MDFIC2: variants seen among roughly 807,000 people sequenced by gnomAD.
MDFIC2 encodes the protein myoD family inhibitor domain-containing protein 2.
chr3:70,306,193 T>C (rs1012404904), intron 2 of MDFIC2, among the ~76,000 whole-genome samples: 1 of 152,132 alleles, frequency 6.6e-6, no homozygotes, highest in African/African-American at 2.4e-5. Context: ...AACCTCCGCC[T>C]CCTAGTTTCA....
chr3:70,220,029 A>G (rs2106736039), intron 2 of MDFIC2, among the ~76,000 whole-genome samples: 1 of 152,290 alleles, frequency 6.6e-6, no homozygotes, highest in Non-Finnish European at 1.5e-5. Flanking sequence ...GAATTACAAA[A>G]ATAAAGAAAA....
chr3:70,284,539 C>A (rs1008135492), intron 2 of MDFIC2, among the ~76,000 whole-genome samples: 1 of 152,076 alleles, frequency 6.6e-6, no homozygotes, highest in African/African-American at 2.4e-5. Flanking sequence ...AAATGTGGTA[C>A]ATATACACCA....
At chr3:70,291,697 A>G (rs1229931057) in intron 2 of MDFIC2, 1 of 152,252 alleles carries the variant, frequency 6.6e-6, no homozygotes, top group South Asian at 2.1e-4. Context: ...ATCCTCTTCA[A>G]CACAAAACTC....
chr3:70,291,709 T>C (rs1702241303), intron 2 of MDFIC2: 1 of 152,236 alleles, frequency 6.6e-6, no homozygotes, highest in East Asian at 1.9e-4. Context: ...ACAAAACTCC[T>C]GTGAGTCACT....
chr3:70,307,505 C>T (rs1030351566), intron 2 of MDFIC2, among the ~76,000 whole-genome samples: 5 of 150,890 alleles, frequency 3.3e-5, no homozygotes, highest in African/African-American at 1.2e-4. Flanking sequence ...CCTGTAATTT[C>T]CCCCCCCAAT....
At chr3:70,256,561 A>G (rs1417406406) in intron 2 of MDFIC2, among the ~76,000 whole-genome samples, 1 of 152,226 alleles carries the variant, frequency 6.6e-6, no homozygotes, top group Admixed American at 6.5e-5. Flanking sequence ...TTAATACAAT[A>G]TTGGAAAACC....
intron 2 of MDFIC2, among the ~76,000 whole-genome samples, chr3:70,260,988 G>A (rs1701860472): frequency 6.6e-6 from 1 of 152,042 alleles, no homozygotes; most frequent in South Asian, 2.1e-4. Flanking sequence ...GAACTTGTGG[G>A]CCCCAGGTCT....
chr3:70,286,126 C>A (rs1253083801), intron 2 of MDFIC2, among the ~76,000 whole-genome samples: 3 of 152,130 alleles, frequency 2.0e-5, no homozygotes, highest in African/African-American at 7.2e-5. Flanking sequence ...GACATGAAGT[C>A]CTTGCCCATG....
chr3:70,262,268 A>G (rs1439897248), intron 2 of MDFIC2, among the ~76,000 whole-genome samples: 2 of 152,214 alleles, frequency 1.3e-5, no homozygotes, highest in East Asian at 3.8e-4. Flanking sequence ...ACAGGCAGTG[A>G]AGCTTCAAAC....
intron 2 of MDFIC2, among the ~76,000 whole-genome samples, chr3:70,275,053 CA>C (rs1385681307): frequency 1.3e-5 from 2 of 152,192 alleles, no homozygotes; most frequent in African/African-American, 4.8e-5. Context: ...ACTACCTCTT[CA>C]GGTGATATAA....
intron 2 of MDFIC2, among the ~76,000 whole-genome samples, chr3:70,256,400 A>G (rs1389835216): frequency 2.6e-5 from 4 of 152,232 alleles, no homozygotes; most frequent in Non-Finnish European, 4.4e-5. Flanking sequence ...TTAAAATGCC[A>G]TGCTGACTGT....
intron 2 of MDFIC2, among the ~76,000 whole-genome samples, chr3:70,284,246 G>T (rs1003433769): frequency 6.6e-6 from 1 of 152,046 alleles, no homozygotes; most frequent in Non-Finnish European, 1.5e-5. Flanking sequence ...TTAGGACAAG[G>T]CCAAGATAAG....
At chr3:70,291,490 C>G (rs1353447170) in intron 2 of MDFIC2, among the ~76,000 whole-genome samples, 5 of 152,206 alleles carry the variant, frequency 3.3e-5, no homozygotes, top group African/African-American at 9.6e-5. Context: ...TCTTCTACTT[C>G]TCACATTGTA....
Position 70,303,581 on chromosome 3 carries a change from G to T in MDFIC2, c.88+8305C>A, listed in dbSNP as rs566021745. On this transcript the variant is annotated intron_variant, in intron 2 of 3. Transcript: ENST00000567252. Reference sequence around the variant, plus strand: ...ATAAATTACCTTTTTCATTAATGTAGCCAGAATCAGTATATGTTATTTTCC... The same window carrying T: ...ATAAATTACCTTTTTCATTAATGTATCCAGAATCAGTATATGTTATTTTCC... 1.6e-4 allele frequency among the ~76,000 whole-genome samples: 24 copies of T among 152,208 alleles called. No homozygotes were observed. In the South Asian group the frequency reaches 4.6e-3, roughly 29 times the overall value.
chr3:70,201,279 T>A (rs1430548623), intron 3 of MDFIC2, among the ~76,000 whole-genome samples: 4 of 152,144 alleles, frequency 2.6e-5, no homozygotes, highest in Non-Finnish European at 1.5e-5. Context: ...CTCCCACTTA[T>A]GGGTGAGAAC....
chr3:70,212,110 C>T (rs1301020655), intron 2 of MDFIC2, among the ~76,000 whole-genome samples: 1 of 152,060 alleles, frequency 6.6e-6, no homozygotes, highest in African/African-American at 2.4e-5. Context: ...TGAAGTTGGC[C>T]ACTAAATCTT....
Position 70,301,205 on chromosome 3 carries a change from C to T in MDFIC2, c.88+10681G>A, listed in dbSNP as rs559061682. 2.6e-5 allele frequency among the ~76,000 whole-genome samples: 4 copies of T among 152,154 alleles called. No individual in the cohort carries two copies. The South Asian group carries it at 8.3e-4, about 32-fold the overall frequency. On this transcript the variant is annotated intron_variant, in intron 2 of 3. Transcript: ENST00000567252. ...ATTAATTCTGTTGTTTCAAGTGACT[C>T]TTTAGCATAGTTGTTTTAGCCCAAA...
At chr3:70,284,841 C>T (rs2106685669) in intron 2 of MDFIC2, among the ~76,000 whole-genome samples, 1 of 152,016 alleles carries the variant, frequency 6.6e-6, no homozygotes, top group African/African-American at 2.4e-5. Context: ...ATAACAAACC[C>T]CCATGACACA....
intron 2 of MDFIC2, among the ~76,000 whole-genome samples, chr3:70,310,931 A>G (rs1386429255): frequency 6.6e-6 from 1 of 152,178 alleles, no homozygotes; most frequent in Non-Finnish European, 1.5e-5. Flanking sequence ...TAGGCAAGTT[A>G]CTAGAACTCT....
Sources: allele counts gnomAD v4.1 joint callset (sites outside exome capture counted in the v4.1 genomes callset), GRCh38; gene constraint gnomAD v4.1.1; transcripts MANE v1.5; gene names NCBI Gene and HGNC (gene_info 2026-07-23, HGNC 2026-07-21).